The following NEMF variants were observed in gnomAD, a reference collection of about 807,000 sequenced individuals.
NEMF encodes nuclear export mediator factor, also known as ribosome quality control complex subunit NEMF.
Under a neutral mutation model 162.2 loss-of-function variants are expected in NEMF, and 89 were observed. The observed-to-expected ratio is 0.55, with a 90% CI of 0.46 to 0.65. The LOEUF (loss-of-function observed/expected upper bound fraction) is 0.65, where lower values mean the gene tolerates loss of function less well. Among genes scored for constraint, NEMF ranks in the 30% least tolerant of loss-of-function variants. The probability of loss-of-function intolerance (pLI) is 0.00; values close to 1 mark genes in which losing one functional copy is unlikely to be tolerated. For missense variants in NEMF, 1,133 were observed against 1,261.9 expected, an observed-to-expected ratio of 0.90 and a Z score of 1.55; for synonymous variants, 421 against 404.5, an observed-to-expected ratio of 1.04 and a Z score of -0.49.
rs1889933903 is a variant in NEMF, at chr14:49,782,169, G to T, written c.*2467C>A. The T allele has an allele frequency of 1.9e-6, 1 of 525,536 alleles. No individual in the cohort carries two copies. The highest frequency in any genetic ancestry group is 3.4e-6 in the Non-Finnish European group (1 of 297,276). 32.6% of individuals were successfully genotyped at this position (525,536 alleles called of 1,614,324 possible). ...CATTGCATAAATGAGAACGACCAGA[G>T]AGAGAAAATAATATCCAGATAAAAT... On this transcript the variant is annotated 3_prime_UTR_variant, in exon 33 of 33. Transcript: ENST00000298310.
chr14:49,819,176 C>T (rs941802495), intron 16 of NEMF, among the ~76,000 whole-genome samples: 5 of 152,002 alleles, frequency 3.3e-5, no homozygotes, highest in Non-Finnish European at 5.9e-5. Flanking sequence ...TAACAAGTTA[C>T]AGTAACATGA....
At chr14:49,822,668 TAAAAAAAAA>T (rs59170500) in intron 16 of NEMF, among the ~76,000 whole-genome samples, 1 of 46,142 alleles carries the variant, frequency 2.2e-5, no homozygotes, top group Non-Finnish European at 3.8e-5. Flanking sequence ...AGTCTCTACT[TAAAAAAAAA>T]AAAAAAAAAA....
intron 16 of NEMF, chr14:49,820,227 G>C (rs1891933418): frequency 6.0e-6 from 2 of 335,488 alleles, no homozygotes; most frequent in Non-Finnish European, 1.2e-5. Flanking sequence ...TGGGATAACA[G>C]GCATGAGCCA....
chr14:49,831,463 A>T, intron 10 of NEMF, 102 bp from the exon 11 acceptor site: 1 of 743,474 alleles, frequency 1.3e-6, no homozygotes, highest in Non-Finnish European at 2.3e-6. Context: ...TTTGAGACAG[A>T]GTCTCACTCT....
chr14:49,833,830 T>C (rs1162914013), intron 7 of NEMF, among the ~76,000 whole-genome samples: 2 of 152,216 alleles, frequency 1.3e-5, no homozygotes, highest in Admixed American at 6.5e-5. Flanking sequence ...TTTTAATTAC[T>C]ATAGCTTCAT....
At chr14:49,827,103 T>C (rs1892392137) in intron 15 of NEMF, among the ~76,000 whole-genome samples, 1 of 152,198 alleles carries the variant, frequency 6.6e-6, no homozygotes, top group African/African-American at 2.4e-5. Context: ...CTCCCGTCCT[T>C]CTTGCAGGAT....
At chr14:49,828,435 T>C in intron 14 of NEMF, 81 bp from the exon 15 acceptor site, 1 of 1,044,496 alleles carries the variant, frequency 9.6e-7, no homozygotes. Context: ...TGACAAATTC[T>C]CAAATTATAC....
rs375737170 is a variant in NEMF at position 49,792,678 on chromosome 14, A to T, written c.2620-3105T>A. On this transcript the variant is annotated intron_variant, in intron 26 of 32. Transcript: ENST00000298310. ...CTCAACTAATATACCATACTGACTA[A>T]CAGATAAAATAATACAATAGTCTGG... 4.2e-4 allele frequency among the ~76,000 whole-genome samples: 64 copies of T among 152,368 alleles called. 1 individual carries two copies. In the South Asian group the frequency reaches 0.013, roughly 30 times the overall value.
chr14:49,817,218 A>G (rs1891758074), intron 16 of NEMF, among the ~76,000 whole-genome samples: 1 of 152,110 alleles, frequency 6.6e-6, no homozygotes, highest in Non-Finnish European at 1.5e-5. Context: ...CAACGCAGGC[A>G]TATCACTTGA....
intron 6 of NEMF, among the ~76,000 whole-genome samples, chr14:49,837,281 A>T (rs1305272018): frequency 6.6e-6 from 1 of 152,162 alleles, no homozygotes; most frequent in East Asian, 1.9e-4. Flanking sequence ...TCTCAAAAAT[A>T]ATAGTAATTT....
At chr14:49,845,075 AAGTT>A (rs34544224) in intron 4 of NEMF, among the ~76,000 whole-genome samples, 144,010 of 149,254 alleles carry the variant, frequency 0.96, 69,665 homozygotes, top group East Asian at 1. Context: ...GGCCCAGATT[AAGTT>A]AGTTAGTTAG....
chr14:49,841,297 G>A (rs950494691), intron 4 of NEMF, among the ~76,000 whole-genome samples: 2 of 150,942 alleles, frequency 1.3e-5, no homozygotes, highest in Non-Finnish European at 3.0e-5. Flanking sequence ...GAAAGAAGCC[G>A]GGCATGGTGG....
intron 29 of NEMF, chr14:49,786,134 C>CT (rs1890168875): frequency 6.5e-6 from 1 of 153,012 alleles, no homozygotes; most frequent in African/African-American, 2.4e-5. Flanking sequence ...TAGGTAGGGG[C>CT]TGCTACTGGG....
chr14:49,810,883 C>T (rs1891446327), intron 18 of NEMF, among the ~76,000 whole-genome samples: 1 of 152,144 alleles, frequency 6.6e-6, no homozygotes, highest in Admixed American at 6.5e-5. Context: ...CCCAACTACT[C>T]AGGAGGTTGA....
In NEMF at chr14:49,828,826, A is replaced by G; in HGVS notation, c.1233-19T>C. The G allele has an allele frequency of 6.6e-7, 1 of 1,505,332 alleles. No individual in the cohort carries two copies. The allele number at this position is 1,505,332 out of a possible 1,614,324, so 93.2% of individuals were successfully genotyped here. On this transcript the variant is annotated intron_variant, in intron 13 of 32. Coordinates refer to ENST00000298310, the MANE Select transcript of NEMF (RefSeq NM_004713.6). ...TGGATTTCTATTAAAAATATTCAATAGCATTTCACTAACGTCAATGACATC... is the reference window on the plus strand; with the variant it reads ...TGGATTTCTATTAAAAATATTCAATGGCATTTCACTAACGTCAATGACATC...
intron 8 of NEMF, 30 bp from the exon 9 acceptor site, chr14:49,832,307 T>A: frequency 7.3e-7 from 1 of 1,373,362 alleles, no homozygotes; most frequent in Non-Finnish European, 1.0e-6. Flanking sequence ...AAATCATTCC[T>A]ATTCATAATT....
intron 29 of NEMF, chr14:49,785,870 G>C (rs1490815029): frequency 7.4e-6 from 1 of 135,904 alleles, no homozygotes; most frequent in Non-Finnish European, 1.5e-5. Context: ...CACCAGCCTG[G>C]GTGACAGAGA....
chr14:49,820,140 C>A, intron 16 of NEMF: 1 of 227,234 alleles, frequency 4.4e-6, no homozygotes, highest in South Asian at 4.8e-5. Context: ...TTAGTAGAAA[C>A]GGGGGTTCAC....
rs1490592928 is a variant in NEMF, at chr14:49,802,464, A to G, written c.2084T>C (p.Met695Thr). 5 of 1,613,114 alleles carry G rather than the reference A, an allele frequency of 3.1e-6. No homozygotes were observed. In the South Asian group the frequency reaches 4.4e-5, roughly 14 times the overall value. The change falls in exon 22 of 33, where the codon ATG becomes ACG. Residue 695 changes from methionine (M) to threonine (T), a missense_variant. Around this residue, in one of 3 missense-constraint regions of NEMF, gnomAD observed 532 missense variants for 578.6 expected, o/e 0.92. Transcript: ENST00000298310. ...AATCTATAAACTACCTAATTGTTCC[A>G]TTTCTTCTGATATGAGTTCACTTGT... ...SCTSELISEE[M>T]EQLDGGDTSS...
Sources: allele counts gnomAD v4.1 joint callset (sites outside exome capture counted in the v4.1 genomes callset), GRCh38; gene constraint gnomAD v4.1.1; regional missense constraint gnomAD v4.1.1; transcripts MANE v1.5; gene names NCBI Gene and HGNC (gene_info 2026-07-23, HGNC 2026-07-21).